ARHGAP26: variants seen among roughly 807,000 people sequenced by gnomAD.
The protein encoded by ARHGAP26 is Rho GTPase activating protein 26, also known as rho GTPase-activating protein 26.
In ARHGAP26, 38 loss-of-function variants were observed where a neutral mutation model predicts 104.8. That is an observed-to-expected ratio of 0.36 (90% CI 0.28 to 0.48). The LOEUF (loss-of-function observed/expected upper bound fraction) is 0.48. ARHGAP26 is among the 20% of genes least tolerant of loss of function. ARHGAP26 has a pLI of 0.99. For synonymous variants in ARHGAP26, 341 were observed against 340.0 expected (o/e 1.00, Z -0.03); for missense variants, 704 against 947.9 (o/e 0.74, Z 3.38).
intron 20 of ARHGAP26, among the ~76,000 whole-genome samples, chr5:143,206,266 A>G (rs1238072867): frequency 6.6e-6 from 1 of 152,214 alleles, no homozygotes; most frequent in Non-Finnish European, 1.5e-5. Flanking sequence ...GGTGTGGCTG[A>G]ACTGGTTTCT....
intron 17 of ARHGAP26, among the ~76,000 whole-genome samples, chr5:143,081,461 G>C (rs1789800061): frequency 6.6e-6 from 1 of 152,188 alleles, no homozygotes; most frequent in South Asian, 2.1e-4. Flanking sequence ...GTTTTCCATT[G>C]ATGTAATTGG....
intron 10 of ARHGAP26, among the ~76,000 whole-genome samples, chr5:142,924,658 A>G (rs571475969): frequency 6.6e-6 from 1 of 152,318 alleles, no homozygotes; most frequent in East Asian, 1.9e-4. Context: ...CCAGATTATC[A>G]TGGCATATTA....
chr5:142,892,989 C>CTTT (rs56211069), intron 5 of ARHGAP26, among the ~76,000 whole-genome samples: 11 of 108,026 alleles, frequency 1.0e-4, no homozygotes, highest in Non-Finnish European at 1.7e-4. Context: ...CACCCCCCCG[C>CTTT]TTTTTTTTTT....
chr5:142,959,045 T>C (rs1272279131), intron 11 of ARHGAP26, among the ~76,000 whole-genome samples: 3 of 152,198 alleles, frequency 2.0e-5, no homozygotes, highest in Non-Finnish European at 4.4e-5. Flanking sequence ...TTAATAGTCA[T>C]TTTGAGCACT....
intron 17 of ARHGAP26, among the ~76,000 whole-genome samples, chr5:143,061,276 G>A (rs1396051658): frequency 1.3e-5 from 2 of 152,130 alleles, no homozygotes; most frequent in East Asian, 1.9e-4. Flanking sequence ...TATAATCATA[G>A]AGGAAATAAG....
chr5:142,925,427 G>A (rs1048519323), intron 10 of ARHGAP26, among the ~76,000 whole-genome samples: 3 of 152,024 alleles, frequency 2.0e-5, no homozygotes, highest in Admixed American at 6.5e-5. Flanking sequence ...CTTACTTACC[G>A]AGTCTCCGTA....
chr5:143,156,361 A>T (rs258811), intron 20 of ARHGAP26, among the ~76,000 whole-genome samples: 31,861 of 152,096 alleles, frequency 0.21, 3,975 homozygotes, highest in East Asian at 0.39. Context: ...AGGCAGGATC[A>T]ACCATAGGCT....
chr5:143,038,510 GGATATGGGCCA>G (rs1782972972), intron 13 of ARHGAP26, among the ~76,000 whole-genome samples: 1 of 152,032 alleles, frequency 6.6e-6, no homozygotes, highest in Non-Finnish European at 1.5e-5. Flanking sequence ...GAGGAAATAA[GGATATGGGCCA>G]GATTGAGCCA....
chr5:143,026,608 C>T (rs78440174), intron 12 of ARHGAP26, among the ~76,000 whole-genome samples: 3 of 152,102 alleles, frequency 2.0e-5, no homozygotes, highest in East Asian at 1.9e-4. Flanking sequence ...CAGTGGTGCC[C>T]GGATGGGAGG....
chr5:143,226,485 GAAAAAAAA>G lies in ARHGAP26; in HGVS notation c.*4053_*4060del, dbSNP rs57822966. On this transcript the variant is annotated 3_prime_UTR_variant, in exon 23 of 23. Coordinates refer to ENST00000645722, the MANE Select transcript of ARHGAP26 (RefSeq NM_001135608.3). Reference sequence around the variant, plus strand: ...GACAGAGCCAGACTCCGTCTCAAAGGAAAAAAAAAAAAAAAAAAAAAGAATGCCATGCC... The same window carrying G: ...GACAGAGCCAGACTCCGTCTCAAAGGAAAAAAAAAAAAAGAATGCCATGCC... The G allele has an allele frequency of 7.8e-5, 11 of 140,790 alleles. No individual in the cohort carries two copies. The highest frequency in any genetic ancestry group is 5.0e-4 in the South Asian group (2 of 4,002). The allele number at this position is 140,790 out of a possible 1,614,324, so 8.7% of individuals were successfully genotyped here.
At chr5:143,126,443 A>G (rs1796738128) in intron 18 of ARHGAP26, among the ~76,000 whole-genome samples, 1 of 152,212 alleles carries the variant, frequency 6.6e-6, no homozygotes, top group Non-Finnish European at 1.5e-5. Context: ...GGCTAAAATG[A>G]TTATGTCAGC....
At chr5:143,103,330 T>C in intron 17 of ARHGAP26, 1 of 669,656 alleles carries the variant, frequency 1.5e-6, no homozygotes, top group African/African-American at 2.0e-5. Flanking sequence ...ATAGGAACGA[T>C]TTTACACTGT....
In ARHGAP26 at chr5:142,862,779, G is replaced by T. The variant is rs184603232; in HGVS notation, c.155-10621G>T. ...TTACTTATAAACCTCTTCCAAGAAG[G>T]TCTGGCTTTCACTGTAAGTTTACGA... is the stretch of plus-strand genomic sequence containing the variant. On this transcript the variant is annotated intron_variant, in intron 1 of 22. Transcript: ENST00000645722. 2.0e-5 allele frequency among the ~76,000 whole-genome samples: 3 copies of T among 152,266 alleles called. No homozygotes were observed. The East Asian group carries it at 5.8e-4, about 29-fold the overall frequency.
In ARHGAP26 at chr5:142,879,384, C is replaced by A; in HGVS notation, c.323C>A (p.Ala108Asp). ...GTTGTTCTTCACCAGATTGAGAATG[C>A]CAGCGAGGTGCTCATCACTCCCTTG... ...EDERIRMIENASEVLITPLEK... is the reference protein window; with the variant it reads ...EDERIRMIENDSEVLITPLEK... Residue 108 changes from alanine to aspartate, a missense_variant, in exon 4 of 23, where the codon GCC (alanine) becomes GAC (aspartate). By Grantham distance (126) the Ala-to-Asp change is moderately radical. Coordinates refer to ENST00000645722, the MANE Select transcript of ARHGAP26 (RefSeq NM_001135608.3). 1.2e-6 allele frequency: 2 copies of A among 1,614,046 alleles called. No homozygotes were observed. The highest frequency in any genetic ancestry group is 1.7e-6 in the Non-Finnish European group (2 of 1,179,946).
chr5:142,988,740 C>T (rs1242599648), intron 11 of ARHGAP26, among the ~76,000 whole-genome samples: 2 of 152,156 alleles, frequency 1.3e-5, no homozygotes, highest in South Asian at 2.1e-4. Flanking sequence ...GCTTTCATTT[C>T]GTTATGTACC....
intron 8 of ARHGAP26, among the ~76,000 whole-genome samples, chr5:142,904,041 T>G (rs1016185117): frequency 6.6e-6 from 1 of 152,136 alleles, no homozygotes; most frequent in African/African-American, 2.4e-5. Context: ...CAGTGTATCC[T>G]TTGGTAGACT....
chr5:143,017,557 C>G (rs1196829971), intron 12 of ARHGAP26, among the ~76,000 whole-genome samples: 4 of 152,046 alleles, frequency 2.6e-5, no homozygotes, highest in African/African-American at 9.7e-5. Context: ...CCTTTTAGTT[C>G]TTTTTTCTAA....
At chr5:142,902,387 T>G (rs1760486082) in intron 7 of ARHGAP26, among the ~76,000 whole-genome samples, 1 of 152,232 alleles carries the variant, frequency 6.6e-6, no homozygotes. Flanking sequence ...GCTGCCTGAC[T>G]ACATGAGACC....
chr5:142,770,574 C>A lies in ARHGAP26; in HGVS notation c.-188C>A. 1 of 250,190 alleles carries A rather than the reference C, an allele frequency of 4.0e-6. No individual in the cohort carries two copies. Among genetic ancestry groups the A allele is most frequent in the Non-Finnish European group, 6.8e-6 (1 of 146,492 alleles). 15.5% of individuals were successfully genotyped at this position (250,190 alleles called of 1,614,324 possible). ...GCGCCCGGAACAGCAGCACCTCGGC[C>A]GGGTCCGAGCTCGGTTCGGGAGTCT... is the stretch of plus-strand genomic sequence containing the variant. On this transcript the variant is annotated 5_prime_UTR_variant, in exon 1 of 23. Coordinates refer to ENST00000645722, the MANE Select transcript of ARHGAP26 (RefSeq NM_001135608.3).
Sources: allele counts gnomAD v4.1 joint callset (sites outside exome capture counted in the v4.1 genomes callset), GRCh38; gene constraint gnomAD v4.1.1; transcripts MANE v1.5; gene names NCBI Gene and HGNC (gene_info 2026-07-23, HGNC 2026-07-21).